IRAK3: variants seen among roughly 807,000 people sequenced by gnomAD.
IRAK3 encodes interleukin 1 receptor associated kinase 3, also known as interleukin-1 receptor-associated kinase 3.
In IRAK3, 57 loss-of-function variants were observed where a neutral mutation model predicts 56.6. The observed-to-expected ratio is 1.01, with a 90% CI of 0.81 to 1.26. The LOEUF is 1.26. Among genes scored for constraint, IRAK3 ranks in the 50% most tolerant of loss-of-function variants. The probability of loss-of-function intolerance (pLI) is 0.00; values close to 1 mark genes in which losing one functional copy is unlikely to be tolerated. For synonymous variants in IRAK3, 258 were observed against 255.7 expected (o/e 1.01, Z -0.09); for missense variants, 703 against 719.0 (o/e 0.98, Z 0.25).
At chr12:66,219,401 G>A (rs2052709155) in intron 6 of IRAK3, among the ~76,000 whole-genome samples, 1 of 152,188 alleles carries the variant, frequency 6.6e-6, no homozygotes, top group South Asian at 2.1e-4. Flanking sequence ...GAGTTTCTCA[G>A]CACATGCTCT....
At chr12:66,205,381 A>C (rs550149387) in intron 2 of IRAK3, among the ~76,000 whole-genome samples, 1 of 152,330 alleles carries the variant, frequency 6.6e-6, no homozygotes, top group African/African-American at 2.4e-5. Context: ...GTACAAAGAG[A>C]TAGGTAAATC....
chr12:66,246,678 A>G (rs11837733), intron 11 of IRAK3, among the ~76,000 whole-genome samples: 5,201 of 152,348 alleles, frequency 0.034, 295 homozygotes, highest in African/African-American at 0.12. Flanking sequence ...AGGCTTTATC[A>G]TCTATAAAAT....
chr12:66,194,475 TG>T (rs1447448724), intron 1 of IRAK3, among the ~76,000 whole-genome samples: 1 of 152,160 alleles, frequency 6.6e-6, no homozygotes, highest in Non-Finnish European at 1.5e-5. Flanking sequence ...TGATCTTATT[TG>T]ATATAGTTGA....
intron 8 of IRAK3, among the ~76,000 whole-genome samples, chr12:66,229,092 C>G (rs1006193595): frequency 6.6e-6 from 1 of 152,090 alleles, no homozygotes; most frequent in Non-Finnish European, 1.5e-5. Flanking sequence ...AATGGGGATT[C>G]CTAGCAAGCT....
chr12:66,193,308 T>G (rs2052417548), intron 1 of IRAK3, among the ~76,000 whole-genome samples: 2 of 152,124 alleles, frequency 1.3e-5, no homozygotes, highest in South Asian at 4.1e-4. Flanking sequence ...CCACCGCGCC[T>G]GGCCTAGATG....
intron 6 of IRAK3, among the ~76,000 whole-genome samples, chr12:66,225,910 C>T (rs960983319): frequency 3.3e-5 from 5 of 152,152 alleles, no homozygotes; most frequent in Non-Finnish European, 7.4e-5. Flanking sequence ...TAGCTGGTAT[C>T]TAGCACAGTA....
At chr12:66,204,535 T>C (rs1372700533) in intron 2 of IRAK3, among the ~76,000 whole-genome samples, 1 of 152,180 alleles carries the variant, frequency 6.6e-6, no homozygotes, top group Non-Finnish European at 1.5e-5. Context: ...TCATGAAGTT[T>C]TCTCCATTTA....
At chr12:66,204,778 G>GCGCGCACACA (rs1026097833) in intron 2 of IRAK3, among the ~76,000 whole-genome samples, 14 of 147,812 alleles carry the variant, frequency 9.5e-5, no homozygotes, top group African/African-American at 3.5e-4. Flanking sequence ...GAGCCCTTGC[G>GCGCGCACACA]CACACACACA....
intron 3 of IRAK3, among the ~76,000 whole-genome samples, chr12:66,209,848 G>C (rs1311419146): frequency 6.6e-6 from 1 of 152,146 alleles, no homozygotes; most frequent in Non-Finnish European, 1.5e-5. Context: ...GTCACTGTTA[G>C]TTTTTATTAG....
At chr12:66,227,237 G>A (rs140815037) in intron 7 of IRAK3, among the ~76,000 whole-genome samples, 5 of 152,234 alleles carry the variant, frequency 3.3e-5, no homozygotes, top group Non-Finnish European at 7.4e-5. Flanking sequence ...CCATAGCAGT[G>A]ACACAGACTC....
At chr12:66,233,481 G>C (rs2136943560) in intron 8 of IRAK3, among the ~76,000 whole-genome samples, 1 of 150,464 alleles carries the variant, frequency 6.6e-6, no homozygotes, top group East Asian at 2.0e-4. Context: ...TCGCACCACT[G>C]CACTCCAGCC....
chr12:66,245,231 C>T lies in IRAK3; in HGVS notation c.1283C>T (p.Thr428Met), dbSNP rs188575230. 254 of 1,614,094 alleles carry T rather than the reference C, an allele frequency of 1.6e-4. 2 individuals carry two copies. Among genetic ancestry groups the T allele is most frequent in the Admixed American group, 4.2e-4 (25 of 60,012 alleles). The change falls in exon 11 of 12, where the codon ACG becomes ATG. Residue 428 changes from threonine (T) to methionine (M), a missense_variant. Coordinates refer to ENST00000261233, the MANE Select transcript of IRAK3 (RefSeq NM_007199.3). ...TGTTTGGCAGGCCGGTGTGCTGCAA[C>T]GCGGGCAAAGTTAAGACCATCAATG... The part of the protein sequence containing the change: ...LFCLAGRCAA[T>M]RAKLRPSMDE...
chr12:66,227,754 CT>C (rs1388163864), intron 7 of IRAK3, among the ~76,000 whole-genome samples: 4 of 120,130 alleles, frequency 3.3e-5, no homozygotes, highest in African/African-American at 1.2e-4. Context: ...GGAGTGAGAC[CT>C]TGTCTCAAAA....
At chr12:66,228,186 A>G (rs939759746) in intron 7 of IRAK3, 66 bp from the exon 8 acceptor site, 22 of 1,096,152 alleles carry the variant, frequency 2.0e-5, no homozygotes, top group Admixed American at 1.2e-4. Context: ...GTATGTCTGC[A>G]TAATGAATAC....
At chr12:66,244,770 T>C in intron 9 of IRAK3, 86 bp downstream of exon 9, 1 of 1,243,394 alleles carries the variant, frequency 8.0e-7, no homozygotes, top group South Asian at 1.2e-5. Flanking sequence ...GTTTTAACTT[T>C]TGACTCATTG....
intron 1 of IRAK3, among the ~76,000 whole-genome samples, chr12:66,193,960 C>T (rs963247849): frequency 3.9e-5 from 6 of 152,186 alleles, no homozygotes; most frequent in Non-Finnish European, 8.8e-5. Flanking sequence ...CGGGATCTCA[C>T]TCTGTCATCC....
At position 66,197,277 on chromosome 12, in the gene IRAK3, C is replaced by G. The variant is rs948837049; in HGVS notation, c.134-6434C>G. On this transcript the variant is annotated intron_variant, in intron 1 of 11. Coordinates refer to ENST00000261233, the MANE Select transcript of IRAK3 (RefSeq NM_007199.3). ...ACATAATTAGTCATTGAGAACTTTT[C>G]TCTGTATTTTTATTTGATATGTACT... The G allele has an allele frequency of 5.3e-6, 6 of 1,135,546 alleles. No homozygotes were observed. The African/African-American group carries it at 8.1e-5, about 15-fold the overall frequency. 70.3% of individuals were successfully genotyped at this position (1,135,546 alleles called of 1,614,324 possible). A position where few individuals can be genotyped will look rare whatever the true frequency, so the allele number is the denominator to read the frequency against.
At chr12:66,208,892 C>A (rs183809978) in intron 2 of IRAK3, among the ~76,000 whole-genome samples, 5 of 151,794 alleles carry the variant, frequency 3.3e-5, no homozygotes, top group Admixed American at 3.3e-4. Context: ...GGTAAAACCC[C>A]ATCTCTACTA....
chr12:66,189,353 C>T lies in IRAK3; in HGVS notation c.54C>T (p.Phe18=). 5 of 1,531,624 alleles carry T rather than the reference C, an allele frequency of 3.3e-6. No homozygotes were observed. The highest frequency in any genetic ancestry group is 4.4e-6 in the Non-Finnish European group (5 of 1,145,308). The allele number at this position is 1,531,624 out of a possible 1,614,324, so 94.9% of individuals were successfully genotyped here. A position where few individuals can be genotyped will look rare whatever the true frequency, so the allele number is the denominator to read the frequency against. ...CGCTGTCGGCGCACACGCTGCTGTT[C>T]GACCTGCCGCCCGCGCTGCTCGGAG... ...RGALSAHTLL[F]DLPPALLGEL... The change falls in exon 1 of 12, where the codon TTC becomes TTT. Residue 18 remains phenylalanine, a synonymous_variant. Coordinates refer to ENST00000261233, the MANE Select transcript of IRAK3 (RefSeq NM_007199.3).
Sources: gnomAD v4.1 joint callset for allele counts (sites outside exome capture counted in the v4.1 genomes callset) on GRCh38, gnomAD v4.1.1 for gene constraint, MANE v1.5 for transcripts, NCBI Gene and HGNC (gene_info 2026-07-23, HGNC 2026-07-21) for gene names.